SRRM3: variants seen among roughly 807,000 people sequenced by gnomAD.
SRRM3 encodes serine/arginine repetitive matrix protein 3.
In SRRM3, 27 loss-of-function variants were observed where a neutral mutation model predicts 66.2. That is an observed-to-expected ratio of 0.41 (90% CI 0.30 to 0.56). The LOEUF is 0.56. Ranked by LOEUF, SRRM3 falls within the 20% of genes least tolerant of loss-of-function variation. SRRM3 has a pLI of 0.32. For missense variants in SRRM3, 918 were observed against 991.9 expected (o/e 0.93, Z 1.00); for synonymous variants, 391 against 414.9 (o/e 0.94, Z 0.70).
Position 76,281,496 on chromosome 7 carries a change from C to T in SRRM3, c.1064C>T (p.Thr355Met). 2 of 1,221,124 alleles carry T rather than the reference C, an allele frequency of 1.6e-6. No individual in the cohort carries two copies. The highest frequency in any genetic ancestry group is 1.6e-5 in the African/African-American group (1 of 63,746). 75.6% of individuals were successfully genotyped at this position (1,221,124 alleles called of 1,614,324 possible). A position where few individuals can be genotyped will look rare whatever the true frequency, so the allele number is the denominator to read the frequency against. ...GACAAGGCGGCGGCCGCCGCACCCA[C>T]GCCGCCCGCGCGGGGGAAGGAGAGC... ...VRDKAAAAAP[T>M]PPARGKESPS... The change falls in exon 12 of 15, where the codon ACG becomes ATG. Residue 355 changes from threonine to methionine, a missense_variant. Thr to Met is a moderately conservative substitution (Grantham distance 81). Coordinates refer to ENST00000611745, the MANE Select transcript of SRRM3 (RefSeq NM_001110199.3).
chr7:76,222,133 G>T (rs1373715028), intron 1 of SRRM3, among the ~76,000 whole-genome samples: 1 of 152,164 alleles, frequency 6.6e-6, no homozygotes, highest in Non-Finnish European at 1.5e-5. Flanking sequence ...TTGCAAGAGA[G>T]AGTTGAGCAC....
chr7:76,278,789 G>C (rs902789030), intron 11 of SRRM3, among the ~76,000 whole-genome samples: 19 of 152,304 alleles, frequency 1.2e-4, no homozygotes, highest in African/African-American at 3.6e-4. Context: ...TTGACCTCCT[G>C]GGTCTACCTC....
At chr7:76,267,471 C>T (rs1246482534) in intron 11 of SRRM3, 36 bp downstream of exon 11, 12 of 1,214,900 alleles carry the variant, frequency 9.9e-6, no homozygotes, top group Non-Finnish European at 1.2e-5. Context: ...GTTCCCGCGC[C>T]GCGGGCTGCG....
At chr7:76,267,129 A>G (rs1376394060) in intron 10 of SRRM3, 129 bp from the exon 11 acceptor site, 14 of 866,258 alleles carry the variant, frequency 1.6e-5, no homozygotes, top group Non-Finnish European at 1.9e-5. Flanking sequence ...GGTTCCCAGC[A>G]TGGTGAAAAG....
intron 2 of SRRM3, among the ~76,000 whole-genome samples, chr7:76,237,235 A>G (rs1000736332): frequency 6.6e-6 from 1 of 152,148 alleles, no homozygotes; most frequent in African/African-American, 2.4e-5. Flanking sequence ...GTGAAACCCC[A>G]TCGCTACTAA....
chr7:76,215,148 C>T (rs1800527603), intron 1 of SRRM3, among the ~76,000 whole-genome samples: 1 of 151,120 alleles, frequency 6.6e-6, no homozygotes, highest in Non-Finnish European at 1.5e-5. Context: ...TAGTCAATTA[C>T]AGCCCCCAAA....
At chr7:76,215,673 G>A (rs1318619808) in intron 1 of SRRM3, among the ~76,000 whole-genome samples, 2 of 147,554 alleles carry the variant, frequency 1.4e-5, no homozygotes, top group African/African-American at 5.0e-5. Context: ...TGTCGCCCAG[G>A]CTGGAGTGCA....
chr7:76,239,805 C>A (rs1184737852), intron 2 of SRRM3, among the ~76,000 whole-genome samples: 1 of 152,108 alleles, frequency 6.6e-6, no homozygotes. Context: ...TTTGGCAGGC[C>A]AAGGCAGAAG....
At position 76,235,153 on chromosome 7, in the gene SRRM3, G is replaced by T. The variant is rs782089817; in HGVS notation, c.87G>T (p.Ser29=). 1.3e-6 allele frequency: 2 copies of T among 1,559,864 alleles called. No individual in the cohort carries two copies. The highest frequency in any genetic ancestry group is 1.7e-6 in the Non-Finnish European group (2 of 1,160,614). The change falls in exon 2 of 15, where the codon TCG becomes TCT. Residue 29 remains serine, a synonymous_variant. Coordinates refer to ENST00000611745, the MANE Select transcript of SRRM3 (RefSeq NM_001110199.3). Reference sequence around the variant, plus strand: ...GCTTCCCGCAGCCCAGCTCCTCCTCGGGGACCTGGCCGCGGGCGGAAGAGG... The same window carrying T: ...GCTTCCCGCAGCCCAGCTCCTCCTCTGGGACCTGGCCGCGGGCGGAAGAGG... ...ANGFPQPSSS[S]GTWPRAEEEL...
chr7:76,280,438 G>A (rs1001128813), intron 11 of SRRM3, among the ~76,000 whole-genome samples: 1 of 147,918 alleles, frequency 6.8e-6, no homozygotes, highest in South Asian at 2.2e-4. Flanking sequence ...AGCGCTGGGG[G>A]TCCGGCCTGG....
At position 76,266,523 on chromosome 7, in the gene SRRM3, T is replaced by TAC. The variant is rs1554609729; in HGVS notation, c.831-734_831-733insCA. On this transcript the variant is annotated intron_variant, in intron 10 of 14. Coordinates refer to ENST00000611745, the MANE Select transcript of SRRM3 (RefSeq NM_001110199.3). The stretch of plus-strand genomic sequence containing the variant: ...ATTTAATATATAAATATTTATATAT[T>TAC]ATATATTTAATATATAAATATTTAT... 5.7e-4 allele frequency among the ~76,000 whole-genome samples: 64 copies of TAC among 112,658 alleles called. 1 individual carries two copies. Among genetic ancestry groups the TAC allele is most frequent in the African/African-American group, 2.2e-3 (59 of 27,290 alleles). The allele number at this position is 112,658 out of a possible 152,430, so 73.9% of individuals were successfully genotyped here. A position where few individuals can be genotyped will look rare whatever the true frequency, so the allele number is the denominator to read the frequency against.
intron 2 of SRRM3, among the ~76,000 whole-genome samples, chr7:76,240,311 C>A (rs1243786433): frequency 3.3e-5 from 5 of 151,910 alleles, no homozygotes; most frequent in Admixed American, 1.3e-4. Context: ...TAGCAAGACT[C>A]CATTTCTACT....
At chr7:76,278,129 T>TG (rs1171280603) in intron 11 of SRRM3, among the ~76,000 whole-genome samples, 4 of 151,606 alleles carry the variant, frequency 2.6e-5, no homozygotes, top group Non-Finnish European at 5.9e-5. Context: ...CCTCCTGGAG[T>TG]GGGGGGAGTA....
rs1286325043 is a variant in SRRM3 at position 76,281,303 on chromosome 7, C to G, written c.1009-138C>G. ...TCTCTTTCTGTCTCTGTCTCTCCCT[C>G]TTTCCTCTTTCTGTCTCTGTCTCTG... is the stretch of plus-strand genomic sequence containing the variant. On this transcript the variant is annotated intron_variant, in intron 11 of 14. Coordinates refer to ENST00000611745, the MANE Select transcript of SRRM3 (RefSeq NM_001110199.3). 371 of 559,950 alleles carry G rather than the reference C, an allele frequency of 6.6e-4. 6 individuals carry two copies. Among genetic ancestry groups the G allele is most frequent in the Non-Finnish European group, 1.7e-5 (7 of 401,688 alleles). 34.7% of individuals were successfully genotyped at this position (559,950 alleles called of 1,614,324 possible).
In SRRM3 at chr7:76,260,149, C is replaced by T; in HGVS notation, c.497C>T (p.Pro166Leu). Reference protein sequence around the residue: ...TKHWSSSSASPPPKKKKKKKG... With the variant: ...TKHWSSSSASLPPKKKKKKKG... ...CATTGGTCTAGCAGCTCGGCATCGC[C>T]CCCTCCCAAGAAAAAGAAGAAAAAG... The change falls in exon 5 of 15, where the codon CCC becomes CTC. Residue 166 changes from proline to leucine, a missense_variant. Physicochemically the swap from Pro to Leu is moderately conservative, Grantham distance 98 (BLOSUM62 -3). Coordinates refer to ENST00000611745, the MANE Select transcript of SRRM3 (RefSeq NM_001110199.3). The T allele has an allele frequency of 6.6e-7, 1 of 1,525,382 alleles. No individual in the cohort carries two copies. The allele number at this position is 1,525,382 out of a possible 1,614,324, so 94.5% of individuals were successfully genotyped here. A position where few individuals can be genotyped will look rare whatever the true frequency, so the allele number is the denominator to read the frequency against.
intron 11 of SRRM3, among the ~76,000 whole-genome samples, chr7:76,277,905 A>C (rs1371231087): frequency 6.6e-6 from 1 of 152,144 alleles, no homozygotes; most frequent in Non-Finnish European, 1.5e-5. Context: ...AAAGAAGGAG[A>C]CCAGCGTCAG....
chr7:76,207,781 G>A (rs758484669), intron 1 of SRRM3, among the ~76,000 whole-genome samples: 6 of 152,194 alleles, frequency 3.9e-5, no homozygotes, highest in Non-Finnish European at 7.3e-5. Flanking sequence ...GGAGGCTGAG[G>A]TGGGAGGATC....
chr7:76,282,566 G>GCCCCCCC, intron 12 of SRRM3, 82 bp from the exon 13 acceptor site: 9 of 338,696 alleles, frequency 2.7e-5, no homozygotes, highest in East Asian at 1.3e-4. Context: ...TCCGCCCTAA[G>GCCCCCCC]CCCCGCCCCA....
intron 2 of SRRM3, among the ~76,000 whole-genome samples, chr7:76,238,708 T>A (rs1801208254): frequency 6.6e-6 from 1 of 152,242 alleles, no homozygotes; most frequent in South Asian, 2.1e-4. Flanking sequence ...TCACCCAGGC[T>A]GGAGTGCAGT....
Sources: allele counts gnomAD v4.1 joint callset (sites outside exome capture counted in the v4.1 genomes callset), GRCh38; gene constraint gnomAD v4.1.1; transcripts MANE v1.5; gene names NCBI Gene and HGNC (gene_info 2026-07-23, HGNC 2026-07-21).